Variants in DLEU7 observed in about 807,000 individuals in gnomAD.
DLEU7 encodes the protein deleted in lymphocytic leukemia 7.
DLEU7 carries 17 observed loss-of-function variants against 16.0 expected under a neutral mutation model. The observed-to-expected ratio is 1.06, with a 90% CI of 0.73 to 1.59. DLEU7 has a LOEUF of 1.59. Ranked by LOEUF, DLEU7 falls within the 40% of genes most tolerant of loss-of-function variation. DLEU7 has a pLI of 0.00. For synonymous variants in DLEU7, 113 were observed against 139.8 expected, an observed-to-expected ratio of 0.81 and a Z score of 1.35; for missense variants, 308 against 314.9, an observed-to-expected ratio of 0.98 and a Z score of 0.17.
At chr13:50,728,950 A>C (rs969820920) in intron 1 of DLEU7, among the ~76,000 whole-genome samples, 1 of 152,120 alleles carries the variant, frequency 6.6e-6, no homozygotes, top group Non-Finnish European at 1.5e-5. Flanking sequence ...GTTTGGGGCA[A>C]TGACACCCAC....
intron 1 of DLEU7, among the ~76,000 whole-genome samples, chr13:50,724,512 C>A (rs1873712198): frequency 6.6e-6 from 1 of 151,328 alleles, no homozygotes; most frequent in Admixed American, 6.6e-5. Context: ...TGAAATCTGG[C>A]AGGCAAAAAA....
chr13:50,765,248 A>G (rs543413996), intron 1 of DLEU7, among the ~76,000 whole-genome samples: 1 of 152,328 alleles, frequency 6.6e-6, no homozygotes, highest in Admixed American at 6.5e-5. Context: ...ATCACTAAAG[A>G]CAGGGTATTA....
intron 1 of DLEU7, among the ~76,000 whole-genome samples, chr13:50,767,025 T>C (rs1341914218): frequency 6.6e-6 from 1 of 152,206 alleles, no homozygotes; most frequent in Non-Finnish European, 1.5e-5. Context: ...CGTTGCTAGT[T>C]TCCAGGGTTC....
intron 1 of DLEU7, among the ~76,000 whole-genome samples, chr13:50,738,444 A>G (rs1203133892): frequency 6.6e-6 from 1 of 152,150 alleles, no homozygotes; most frequent in Non-Finnish European, 1.5e-5. Context: ...ACGTTCAGTC[A>G]GACTTATTCT....
In DLEU7 at chr13:50,843,662, C is replaced by G. The variant is rs1170385851; in HGVS notation, c.-16G>C. On this transcript the variant is annotated 5_prime_UTR_variant, in exon 1 of 2. Coordinates refer to ENST00000504404, the MANE Select transcript of DLEU7 (RefSeq NM_001306135.2). The surrounding 1 kb of genome is among the most constrained non-coding windows in gnomAD (Gnocchi z 5.7). ...GGCTGGCCATCGCCTCCGCTGGCGG[C>G]CCGGCGCGCTCCGCGTGCAGGTGGA... is the stretch of plus-strand genomic sequence containing the variant. 6.7e-7 allele frequency: 1 copy of G among 1,499,994 alleles called. No homozygotes were observed. The highest frequency in any genetic ancestry group is 1.4e-5 in the African/African-American group (1 of 69,422). 92.9% of individuals were successfully genotyped at this position (1,499,994 alleles called of 1,614,324 possible).
chr13:50,776,453 C>T (rs56003917), intron 1 of DLEU7, among the ~76,000 whole-genome samples: 2,036 of 152,296 alleles, frequency 0.013, 41 homozygotes, highest in African/African-American at 0.047. Context: ...ATAGCTAATT[C>T]CCTGACATAT....
At chr13:50,762,743 A>G (rs1167091921) in intron 1 of DLEU7, among the ~76,000 whole-genome samples, 2 of 152,010 alleles carry the variant, frequency 1.3e-5, no homozygotes, top group South Asian at 2.1e-4. Flanking sequence ...AAACAAAAAA[A>G]CAACAAAAAC....
chr13:50,829,988 G>A (rs570488695), intron 1 of DLEU7, among the ~76,000 whole-genome samples: 1 of 152,308 alleles, frequency 6.6e-6, no homozygotes, highest in Admixed American at 6.5e-5. Context: ...CACTTAGGAT[G>A]CTTTCCATTC....
At chr13:50,711,568 G>C (rs113431146), downstream of DLEU7, 10 of 152,286 alleles carry the variant, frequency 6.6e-5, 2 homozygotes, top group African/African-American at 2.4e-4. Context: ...CTTTGGTTTG[G>C]AAGATCTTTA....
intron 1 of DLEU7, among the ~76,000 whole-genome samples, chr13:50,752,663 G>A (rs597170): frequency 0.46 from 69,887 of 150,670 alleles, 16,972 homozygotes; most frequent in African/African-American, 0.61. Context: ...CTCTTAAGGC[G>A]GCGCGTCTGG....
chr13:50,821,177 G>A (rs1038859073), downstream of DLEU7, among the ~76,000 whole-genome samples: 14 of 152,184 alleles, frequency 9.2e-5, no homozygotes, highest in African/African-American at 2.2e-4. Context: ...CTCTACAGAC[G>A]TTGAGTAGGC....
chr13:50,782,676 G>A (rs961968003), intron 1 of DLEU7, among the ~76,000 whole-genome samples: 11 of 149,950 alleles, frequency 7.3e-5, no homozygotes, highest in Non-Finnish European at 1.5e-5. Context: ...GAAGTCAGAA[G>A]ATTTATTCCT....
chr13:50,818,007 T>G (rs1876787138), downstream of DLEU7, among the ~76,000 whole-genome samples: 2 of 152,268 alleles, frequency 1.3e-5, no homozygotes, highest in Non-Finnish European at 2.9e-5. Flanking sequence ...AAAATGTGTT[T>G]CCACCATCCA....
At chr13:50,715,229 G>A (rs1399967906) in intron 1 of DLEU7, among the ~76,000 whole-genome samples, 1 of 152,168 alleles carries the variant, frequency 6.6e-6, no homozygotes, top group Non-Finnish European at 1.5e-5. Context: ...AATGTTCTCT[G>A]CTTTTAAAGG....
chr13:50,714,015 T>C (rs907685805), intron 1 of DLEU7, among the ~76,000 whole-genome samples: 19 of 152,166 alleles, frequency 1.2e-4, no homozygotes, highest in African/African-American at 4.3e-4. Flanking sequence ...CTGACTCCCC[T>C]CACTCCCATG....
At chr13:50,744,818 G>T (rs1874348105) in intron 1 of DLEU7, among the ~76,000 whole-genome samples, 1 of 152,120 alleles carries the variant, frequency 6.6e-6, no homozygotes, top group Non-Finnish European at 1.5e-5. Context: ...CACATAAAAA[G>T]ATACTCAGCA....
chr13:50,822,445 T>C (rs1001113198), downstream of DLEU7, among the ~76,000 whole-genome samples: 5 of 152,256 alleles, frequency 3.3e-5, no homozygotes, highest in South Asian at 2.1e-4. Context: ...ACAGTCATCA[T>C]TGAACAACAA....
intron 1 of DLEU7, among the ~76,000 whole-genome samples, chr13:50,833,156 C>A (rs1239321514): frequency 6.6e-6 from 1 of 152,212 alleles, no homozygotes; most frequent in Non-Finnish European, 1.5e-5. Context: ...GACACCCTCT[C>A]TCACCACTCC....
intron 1 of DLEU7, among the ~76,000 whole-genome samples, chr13:50,770,566 G>T (rs1875270063): frequency 6.6e-6 from 1 of 152,182 alleles, no homozygotes; most frequent in Admixed American, 6.5e-5. Flanking sequence ...TTATGTCATA[G>T]ATTATGTTTA....
Sources: allele counts gnomAD v4.1 joint callset (sites outside exome capture counted in the v4.1 genomes callset), GRCh38; gene constraint gnomAD v4.1.1; non-coding constraint Gnocchi (gnomAD v3.1); transcripts MANE v1.5; gene names NCBI Gene and HGNC (gene_info 2026-07-23, HGNC 2026-07-21).